Variants in ANKRD28 observed in about 807,000 individuals in gnomAD.
The protein encoded by ANKRD28 is ankyrin repeat domain 28.
A neutral mutation model predicts 126.5 loss-of-function variants in ANKRD28; 44 were observed. The ratio of observed to expected loss-of-function variants is 0.35; its 90% CI spans 0.27 to 0.45. ANKRD28 has a LOEUF of 0.45. ANKRD28 is among the 20% of genes least tolerant of loss of function. The pLI is 1.00. For missense variants in ANKRD28, 1,110 were observed against 1,316.6 expected (o/e 0.84, Z 2.43); for synonymous variants, 442 against 468.5 (o/e 0.94, Z 0.73).
intron 1 of ANKRD28, among the ~76,000 whole-genome samples, chr3:15,819,432 T>C (rs1167301510): frequency 6.6e-6 from 1 of 152,192 alleles, no homozygotes; most frequent in Non-Finnish European, 1.5e-5. Flanking sequence ...CAGTAAAATA[T>C]TATCTTTCCA....
chr3:15,753,193 G>A (rs7642573), intron 3 of ANKRD28, among the ~76,000 whole-genome samples: 13,795 of 152,226 alleles, frequency 0.091, 697 homozygotes, highest in African/African-American at 0.12. Context: ...CAGTCAGAGA[G>A]CATGACATAC....
chr3:15,679,313 T>C lies in ANKRD28; in HGVS notation c.2549A>G (p.Asp850Gly). The C allele has an allele frequency of 1.2e-6, 2 of 1,613,972 alleles. No homozygotes were observed. Among genetic ancestry groups the C allele is most frequent in the Non-Finnish European group, 1.7e-6 (2 of 1,179,852 alleles). The stretch of plus-strand genomic sequence containing the variant: ...GTTGAATTCCTACCTTCCTTTTGAA[T>C]CTGTGGCGTTCACAATGCTGGCACC... ...TLGASIVNAT[D>G]SKGRTPLHAA... The change falls in exon 23 of 28, where the codon GAT (aspartate) becomes GGT (glycine). Residue 850 changes from aspartate to glycine, a missense_variant. Asp to Gly is a moderately conservative substitution (Grantham distance 94). Coordinates refer to ENST00000683139, the MANE Select transcript of ANKRD28 (RefSeq NM_001349278.2).
At chr3:15,746,190 T>A (rs892083437) in intron 4 of ANKRD28, among the ~76,000 whole-genome samples, 13 of 152,332 alleles carry the variant, frequency 8.5e-5, no homozygotes, top group African/African-American at 3.1e-4. Flanking sequence ...CTGATTTGGA[T>A]GCCCTTTATT....
At chr3:15,802,100 A>G (rs150766678), upstream of ANKRD28, among the ~76,000 whole-genome samples, 646 of 152,336 alleles carry the variant, frequency 4.2e-3, 5 homozygotes, top group East Asian at 0.019. Context: ...CTCACACAAT[A>G]AAGACTACAT....
intron 17 of ANKRD28, among the ~76,000 whole-genome samples, chr3:15,693,773 G>A (rs1303699133): frequency 6.6e-6 from 1 of 152,166 alleles, no homozygotes; most frequent in Non-Finnish European, 1.5e-5. Context: ...GAAGTAGAAA[G>A]CTTCAAGAAT....
chr3:15,795,301 T>C lies in ANKRD28; in HGVS notation c.123A>G (p.Ser41=), dbSNP rs751291432. Residue 41 remains serine, a synonymous_variant, in exon 2 of 28, where the codon TCA becomes TCG. Coordinates refer to ENST00000683139, the MANE Select transcript of ANKRD28 (RefSeq NM_001349278.2). ...HSPPSGNVLP[S]LVQAIFNGDP... is the part of the protein sequence containing the mutation. ...CTCCGTTAAATATAGCTTGCACCAG[T>C]GATGGCTAAAATAGAAGAGAGTAAT... The C allele has an allele frequency of 1.1e-5, 17 of 1,607,162 alleles. No homozygotes were observed. Among genetic ancestry groups the C allele is most frequent in the Non-Finnish European group, 1.4e-5 (17 of 1,174,058 alleles).
chr3:15,724,496 C>T lies in ANKRD28; in HGVS notation c.669G>A (p.Val223=), dbSNP rs771491860. ...TGCATGTCACTTCAGCTCCATGCGA[C>T]ACAAGCAATTTCACTACTTCAATGT... ...MGHIEVVKLL[V]SHGAEVTCKD... is the part of the protein sequence containing the mutation. The change falls in exon 7 of 28, where the codon GTG becomes GTA. Residue 223 remains valine, a synonymous_variant. Transcript: ENST00000683139. 3 of 1,588,548 alleles carry T rather than the reference C, an allele frequency of 1.9e-6. No homozygotes were observed. The highest frequency in any genetic ancestry group is 1.7e-4 in the Middle Eastern group (1 of 6,022).
chr3:15,670,888 T>C (rs1270710018), intron 27 of ANKRD28, among the ~76,000 whole-genome samples: 1 of 152,216 alleles, frequency 6.6e-6, no homozygotes, highest in East Asian at 1.9e-4. Flanking sequence ...ATATCGTGAA[T>C]ATTCTTTCAG....
At chr3:15,706,492 A>G (rs1208268690) in intron 14 of ANKRD28, among the ~76,000 whole-genome samples, 1 of 152,146 alleles carries the variant, frequency 6.6e-6, no homozygotes, top group Non-Finnish European at 1.5e-5. Flanking sequence ...TCTATCATTG[A>G]TGGACATTTG....
rs2067169033 is a variant in ANKRD28 at position 15,678,299 on chromosome 3, G to A, written c.2617C>T (p.Leu873Phe). 5.6e-6 allele frequency: 9 copies of A among 1,613,078 alleles called. No individual in the cohort carries two copies. The highest frequency in any genetic ancestry group is 6.8e-6 in the Non-Finnish European group (8 of 1,179,656). ...GAATTGACTTGAGCATTATGGCTGA[G>A]CAGCAGCTGTAAACACTCTACATGG... ...TDHVECLQLLLSHNAQVNSVD... is the reference protein window; with the variant it reads ...TDHVECLQLLFSHNAQVNSVD... The change falls in exon 24 of 28, where the codon CTC becomes TTC. Residue 873 changes from leucine (L) to phenylalanine (F), a missense_variant. By Grantham distance (22) the Leu-to-Phe change is conservative (BLOSUM62 0). Coordinates refer to ENST00000683139, the MANE Select transcript of ANKRD28 (RefSeq NM_001349278.2).
At chr3:15,720,696 ACC>A (rs200710035) in intron 8 of ANKRD28, among the ~76,000 whole-genome samples, 2,558 of 152,224 alleles carry the variant, frequency 0.017, 69 homozygotes, top group African/African-American at 0.058. Context: ...AGATTCTGGA[ACC>A]CCATATAAAT....
intron 4 of ANKRD28, among the ~76,000 whole-genome samples, chr3:15,741,096 G>A (rs2075428440): frequency 6.6e-6 from 1 of 152,182 alleles, no homozygotes; most frequent in South Asian, 2.1e-4. Flanking sequence ...CTACCTGGGA[G>A]GCTGAGGCAG....
At chr3:15,765,864 A>C (rs562641871) in intron 3 of ANKRD28, among the ~76,000 whole-genome samples, 20 of 138,326 alleles carry the variant, frequency 1.4e-4, no homozygotes, top group East Asian at 2.2e-4. Context: ...AAAAAAAAAA[A>C]CCAACCAAAA....
intron 5 of ANKRD28, among the ~76,000 whole-genome samples, chr3:15,736,007 G>A (rs549157224): frequency 3.3e-5 from 5 of 152,208 alleles, no homozygotes; most frequent in Admixed American, 6.5e-5. Context: ...GAAGGCTACC[G>A]CAGATCTCAA....
rs2470549 is a variant in ANKRD28, at chr3:15,696,191, T to G, written c.1602A>C (p.Gln534His). Residue 534 changes from glutamine to histidine, a missense_variant, in exon 15 of 28, where the codon CAA becomes CAC. Physicochemically the swap from Gln to His is conservative, Grantham distance 24. Coordinates refer to ENST00000683139, the MANE Select transcript of ANKRD28 (RefSeq NM_001349278.2). ...NDANPGIRDK[Q>H]GYNAVHYSAA... The stretch of plus-strand genomic sequence containing the variant: ...CTGAATAATGAACTGCGTTGTATCC[T>G]TGCTTATCACGGATCCCTGGATTTG... The G allele has an allele frequency of 1.3e-6, 2 of 1,591,246 alleles. No homozygotes were observed. The highest frequency in any genetic ancestry group is 2.3e-5 in the South Asian group (2 of 87,840).
chr3:15,700,149 A>G (rs996745038), intron 14 of ANKRD28, among the ~76,000 whole-genome samples: 9 of 152,140 alleles, frequency 5.9e-5, no homozygotes, highest in South Asian at 2.1e-4. Flanking sequence ...AAAACCAAAC[A>G]CTGCATGTTC....
At chr3:15,679,671 C>T in intron 21 of ANKRD28, 108 bp from the exon 22 acceptor site, 1 of 804,596 alleles carries the variant, frequency 1.2e-6, no homozygotes, top group South Asian at 1.7e-5. Context: ...CTCCCTCATC[C>T]CATCTCCCAG....
intron 2 of ANKRD28, among the ~76,000 whole-genome samples, chr3:15,777,258 C>T (rs2059319395): frequency 1.6e-5 from 2 of 126,560 alleles, no homozygotes; most frequent in South Asian, 5.3e-4. Flanking sequence ...GGTGACAGAG[C>T]GAGACTCCGT....
chr3:15,751,684 T>C (rs1362355644), intron 4 of ANKRD28, 66 bp downstream of exon 4: 2 of 1,029,522 alleles, frequency 1.9e-6, no homozygotes, highest in East Asian at 2.7e-5. Context: ...AATTTGAATA[T>C]GGATTCAGGG....
Sources: allele counts gnomAD v4.1 joint callset (sites outside exome capture counted in the v4.1 genomes callset), GRCh38; gene constraint gnomAD v4.1.1; transcripts MANE v1.5; gene names NCBI Gene and HGNC (gene_info 2026-07-23, HGNC 2026-07-21).